The following ZNF362 variants were observed in gnomAD, a reference collection of about 807,000 sequenced individuals.
The protein encoded by ZNF362 is rotund homolog.
In ZNF362, 11 loss-of-function variants were observed where a neutral mutation model predicts 42.9. The observed-to-expected ratio is 0.26, with a 90% confidence interval of 0.16 to 0.42. The LOEUF is 0.42. ZNF362 is among the 20% of genes least tolerant of loss of function. ZNF362 has a pLI of 1.00. For synonymous variants in ZNF362, 255 were observed against 257.3 expected (o/e 0.99, Z 0.09); for missense variants, 362 against 576.2 (o/e 0.63, Z 3.81).
At chr1:33,219,650 G>C in the ZNF362 span, among the ~76,000 whole-genome samples, 1 of 152,172 alleles carries the variant, frequency 6.6e-6, no homozygotes, top group Non-Finnish European at 1.5e-5. Context: ...GGACTGTGTG[G>C]ACAGCCAAGG....
At chr1:33,220,996 G>A in the ZNF362 span, among the ~76,000 whole-genome samples, 2 of 152,200 alleles carry the variant, frequency 1.3e-5, no homozygotes, top group South Asian at 4.1e-4. Flanking sequence ...AGGGTCAGCA[G>A]AAAGAGGGTG....
At chr1:33,163,839 T>G in the ZNF362 span, 1 of 152,256 alleles carries the variant, frequency 6.6e-6, no homozygotes, top group Non-Finnish European at 1.5e-5. Flanking sequence ...ATTTCTTGTA[T>G]AAACACCCCA....
At chr1:33,203,814 G>A in the ZNF362 span, among the ~76,000 whole-genome samples, 1 of 151,954 alleles carries the variant, frequency 6.6e-6, no homozygotes, top group Non-Finnish European at 1.5e-5. Flanking sequence ...TTTTAATTGG[G>A]TTATTTGTTT....
At chr1:33,147,398 G>T in the ZNF362 span, 4 of 1,614,178 alleles carry the variant, frequency 2.5e-6, no homozygotes, top group South Asian at 1.1e-5. This position sits in a 1 kb window ranked among gnomAD's most constrained non-coding sequence, Gnocchi z 8.1. Context: ...CGCGTCCAGG[G>T]CTCCGTGCAG....
upstream of ZNF362, chr1:33,256,417 A>T (rs1197124272): frequency 7.2e-6 from 1 of 139,652 alleles, no homozygotes; most frequent in Non-Finnish European, 1.5e-5. Flanking sequence ...CGCCGAGCGC[A>T]CTGGGGGCCG....
At chr1:33,293,500 G>C (rs1267476260) in intron 6 of ZNF362, among the ~76,000 whole-genome samples, 3 of 152,176 alleles carry the variant, frequency 2.0e-5, no homozygotes, top group Non-Finnish European at 4.4e-5. Context: ...TGGCCAGAGG[G>C]GCTTTAGTTT....
chr1:33,178,703 C>T, the ZNF362 span, among the ~76,000 whole-genome samples: 1 of 152,242 alleles, frequency 6.6e-6, no homozygotes, highest in African/African-American at 2.4e-5. Context: ...CACCAAGGTG[C>T]ACACAGTGCC....
chr1:33,199,899 A>C, the ZNF362 span: 1 of 152,340 alleles, frequency 6.6e-6, no homozygotes, highest in African/African-American at 2.4e-5. Flanking sequence ...CTGTAATCCC[A>C]GCTACTCGGG....
the ZNF362 span, among the ~76,000 whole-genome samples, chr1:33,227,652 A>T: frequency 6.6e-6 from 1 of 152,096 alleles, no homozygotes; most frequent in Non-Finnish European, 1.5e-5. Flanking sequence ...TGACTGCCAA[A>T]TCCATGAGCC....
chr1:33,180,904 G>T, the ZNF362 span: 1 of 525,108 alleles, frequency 1.9e-6, no homozygotes, highest in Non-Finnish European at 2.8e-6. Flanking sequence ...CCTTGCTGGC[G>T]GCCCCGCCCC....
chr1:33,196,466 T>C, the ZNF362 span, among the ~76,000 whole-genome samples: 1,145 of 152,220 alleles, frequency 7.5e-3, 19 homozygotes, highest in African/African-American at 0.026. Context: ...GTCAAGATCA[T>C]TGATATCACT....
chr1:33,275,436 G>A (rs901809659), intron 2 of ZNF362: 7 of 966,836 alleles, frequency 7.2e-6, no homozygotes, highest in Middle Eastern at 5.3e-4. Context: ...TCTCATCCAC[G>A]TCGTTGTAGG....
At chr1:33,127,615 G>C in the ZNF362 span, among the ~76,000 whole-genome samples, 43 of 152,328 alleles carry the variant, frequency 2.8e-4, no homozygotes, top group African/African-American at 9.6e-4. Flanking sequence ...GCTTATTTGC[G>C]CATCAGCTAC....
chr1:33,165,705 C>G, the ZNF362 span: 1 of 623,218 alleles, frequency 1.6e-6, no homozygotes, highest in Non-Finnish European at 2.6e-6. This position sits in a 1 kb window ranked among gnomAD's most constrained non-coding sequence, Gnocchi z 4.0. Context: ...ACAGTTCAAC[C>G]ACCAGCAAGT....
At chr1:33,178,763 G>C in the ZNF362 span, among the ~76,000 whole-genome samples, 1 of 152,228 alleles carries the variant, frequency 6.6e-6, no homozygotes, top group Non-Finnish European at 1.5e-5. Flanking sequence ...CAGTGCACTA[G>C]AGAGTAAGCA....
At chr1:33,256,273 C>T (rs964319091), upstream of ZNF362, among the ~76,000 whole-genome samples, 10 of 143,684 alleles carry the variant, frequency 7.0e-5, no homozygotes, top group African/African-American at 2.5e-4. Flanking sequence ...CGCCCGGCCC[C>T]CTCCCCTCTC....
rs574888106 is a variant in ZNF362 at position 33,258,575 on chromosome 1, C to G, written c.-89+1921C>G. The stretch of plus-strand genomic sequence containing the variant: ...AGTGACTTGCCTGAAGTCACGCTAC[C>G]AGGTAGAAGGAGACTGAGACCGGGA... On this transcript the variant is annotated intron_variant, in intron 1 of 8. Coordinates refer to ENST00000539719, the MANE Select transcript of ZNF362 (RefSeq NM_152493.3). 2.6e-5 allele frequency among the ~76,000 whole-genome samples: 4 copies of G among 152,234 alleles called. No homozygotes were observed. The East Asian group carries it at 7.7e-4, about 29-fold the overall frequency.
intron 2 of ZNF362, among the ~76,000 whole-genome samples, chr1:33,272,266 T>C (rs1645909945): frequency 6.6e-6 from 1 of 151,590 alleles, no homozygotes; most frequent in East Asian, 1.9e-4. Flanking sequence ...TAGGTGAGAG[T>C]TCTTTGCAGA....
At chr1:33,135,051 C>T in the ZNF362 span, among the ~76,000 whole-genome samples, 1 of 152,166 alleles carries the variant, frequency 6.6e-6, no homozygotes, top group South Asian at 2.1e-4. Flanking sequence ...CTTTGGGAGC[C>T]GATGTGGGTG....
Sources: gnomAD v4.1 joint callset for allele counts (sites outside exome capture counted in the v4.1 genomes callset) on GRCh38, gnomAD v4.1.1 for gene constraint, Gnocchi (gnomAD v3.1) non-coding constraint, MANE v1.5 for transcripts, NCBI Gene and HGNC (gene_info 2026-07-23, HGNC 2026-07-21) for gene names.